Variants in ATAD1 observed in about 807,000 individuals in gnomAD.
ATAD1 encodes the protein ATPase family AAA domain containing 1.
ATAD1 carries 18 observed loss-of-function variants against 42.7 expected under a neutral mutation model. That is an observed-to-expected ratio of 0.42 (90% CI 0.29 to 0.63). The LOEUF (loss-of-function observed/expected upper bound fraction) is 0.63, where lower values mean the gene tolerates loss of function less well. ATAD1 is among the 20% of genes least tolerant of loss of function. The pLI, the probability that ATAD1 is intolerant of heterozygous loss-of-function variation, is 0.19. For synonymous variants in ATAD1, 132 were observed against 143.1 expected, an observed-to-expected ratio of 0.92 and a Z score of 0.55; for missense variants, 294 against 440.4, an observed-to-expected ratio of 0.67 and a Z score of 2.98.
intron 2 of ATAD1, among the ~76,000 whole-genome samples, chr10:87,795,958 A>C (rs1856367223): frequency 6.6e-6 from 1 of 152,256 alleles, no homozygotes; most frequent in Non-Finnish European, 1.5e-5. Flanking sequence ...CCAAGGTCAT[A>C]GCTGAAGTGT....
At chr10:87,777,854 A>C (rs1199998426) in intron 5 of ATAD1, among the ~76,000 whole-genome samples, 1 of 152,200 alleles carries the variant, frequency 6.6e-6, no homozygotes, top group Non-Finnish European at 1.5e-5. Context: ...GACACATGAG[A>C]GTCCTGCAAT....
intron 1 of ATAD1, among the ~76,000 whole-genome samples, chr10:87,824,952 C>T (rs1026988315): frequency 3.9e-5 from 6 of 152,168 alleles, no homozygotes; most frequent in African/African-American, 4.8e-5. Flanking sequence ...ACGTATTTAT[C>T]GATCCATGAA....
At chr10:87,782,668 G>C in intron 5 of ATAD1, among the ~76,000 whole-genome samples, 1 of 152,044 alleles carries the variant, frequency 6.6e-6, no homozygotes, top group South Asian at 2.1e-4. Context: ...AGGGAATAAA[G>C]CAAAAAAGTC....
chr10:87,756,689 TC>T lies in ATAD1; in HGVS notation c.965+99del. On this transcript the variant is annotated intron_variant, in intron 9 of 9. Transcript: ENST00000680024. The stretch of plus-strand genomic sequence containing the variant: ...TGATAATCCAAATTTACCTTTTATT[TC>T]ATAAGCGGTGTTTCTAATATAAAGC... 3 of 1,151,754 alleles carry T rather than the reference TC, an allele frequency of 2.6e-6. 1 individual carries two copies. Among genetic ancestry groups the T allele is most frequent in the Non-Finnish European group, 3.5e-6 (3 of 859,692 alleles). 71.3% of individuals were successfully genotyped at this position (1,151,754 alleles called of 1,614,324 possible).
intron 1 of ATAD1, 87 bp from the exon 2 acceptor site, chr10:87,814,699 A>C: frequency 9.8e-7 from 1 of 1,020,724 alleles, no homozygotes; most frequent in Non-Finnish European, 1.3e-6. Flanking sequence ...ACTAAGAAAG[A>C]AAAACTAACT....
Position 87,767,733 on chromosome 10 carries a change from G to C in ATAD1, c.781-10C>G. On this transcript the variant is annotated splice_polypyrimidine_tract_variant and intron_variant, in intron 7 of 9. Transcript: ENST00000680024. ...CTCTCTGTTTTAAAGCCTAAAAGCA[G>C]GATAATTTCCAGTTAGCATTTTTAT... The C allele has an allele frequency of 2.5e-6, 4 of 1,596,554 alleles. No homozygotes were observed. Among genetic ancestry groups the C allele is most frequent in the Non-Finnish European group, 3.4e-6 (4 of 1,174,310 alleles).
In ATAD1 at chr10:87,752,936, T is replaced by TA. The variant is rs1356197282; in HGVS notation, c.*1750dup. On this transcript the variant is annotated 3_prime_UTR_variant, in exon 10 of 10. Coordinates refer to ENST00000680024, the MANE Select transcript of ATAD1 (RefSeq NM_001321967.2). ...ATTTTCGATTAATATGTCACCAGATTAAAATTAAATTACTGAAATTCATAT... is the reference window on the plus strand; with the variant it reads ...ATTTTCGATTAATATGTCACCAGATTAAAAATTAAATTACTGAAATTCATAT... 2 of 152,152 alleles carry TA rather than the reference T, an allele frequency of 1.3e-5. No homozygotes were observed. Among genetic ancestry groups the TA allele is most frequent in the Non-Finnish European group, 2.9e-5 (2 of 67,998 alleles). 9.4% of individuals were successfully genotyped at this position (152,152 alleles called of 1,614,324 possible). A position where few individuals can be genotyped will look rare whatever the true frequency, so the allele number is the denominator to read the frequency against.
At chr10:87,821,925 G>A (rs559333735), upstream of ATAD1, among the ~76,000 whole-genome samples, 1 of 152,260 alleles carries the variant, frequency 6.6e-6, no homozygotes, top group African/African-American at 2.4e-5. Flanking sequence ...GACTGTAGAT[G>A]TATTTTTGCA....
chr10:87,829,192 C>A (rs148915880), intron 1 of ATAD1, among the ~76,000 whole-genome samples: 2,168 of 151,916 alleles, frequency 0.014, 64 homozygotes, highest in African/African-American at 0.048. Flanking sequence ...AATCTGGGGA[C>A]AGTAAATTGA....
At position 87,767,530 on chromosome 10, in the gene ATAD1, A is replaced by G. The variant is rs1043124440; in HGVS notation, c.831+143T>C. 4 of 768,064 alleles carry G rather than the reference A, an allele frequency of 5.2e-6. No individual in the cohort carries two copies. The African/African-American group carries it at 7.1e-5, about 14-fold the overall frequency. The allele number at this position is 768,064 out of a possible 1,614,324, so 47.6% of individuals were successfully genotyped here. On this transcript the variant is annotated intron_variant, in intron 8 of 9. Coordinates refer to ENST00000680024, the MANE Select transcript of ATAD1 (RefSeq NM_001321967.2). Reference sequence around the variant, plus strand: ...TGTGCGGCCCAGTTCCTAACAGGCCATAGACCAGTACCAGTCTGTGGCTGC... The same window carrying G: ...TGTGCGGCCCAGTTCCTAACAGGCCGTAGACCAGTACCAGTCTGTGGCTGC...
intron 8 of ATAD1, 96 bp from the exon 9 acceptor site, chr10:87,757,018 T>C (rs1854253366): frequency 9.8e-7 from 1 of 1,018,532 alleles, no homozygotes; most frequent in Non-Finnish European, 1.4e-6. Flanking sequence ...AAGCATATTA[T>C]AACTGCATGG....
chr10:87,768,822 G>T (rs1376984001), intron 7 of ATAD1, among the ~76,000 whole-genome samples: 2 of 152,186 alleles, frequency 1.3e-5, no homozygotes, highest in Non-Finnish European at 2.9e-5. Context: ...AGTGGCTCAT[G>T]CCAGTAATCC....
chr10:87,787,977 G>C (rs1261550175), intron 4 of ATAD1, among the ~76,000 whole-genome samples: 1 of 152,018 alleles, frequency 6.6e-6, no homozygotes, highest in South Asian at 2.1e-4. Flanking sequence ...GTTTACAGAG[G>C]AAGCCATATG....
At chr10:87,769,064 C>CT (rs1854905120) in intron 7 of ATAD1, among the ~76,000 whole-genome samples, 1 of 152,128 alleles carries the variant, frequency 6.6e-6, no homozygotes, top group African/African-American at 2.4e-5. Flanking sequence ...GAGCAAGACT[C>CT]TGTCTTTAAA....
chr10:87,833,359 G>C (rs1307662335), intron 1 of ATAD1, among the ~76,000 whole-genome samples: 3 of 152,108 alleles, frequency 2.0e-5, no homozygotes, highest in African/African-American at 7.2e-5. Context: ...TCAGTTCTAG[G>C]AGGTTTTTTT....
chr10:87,799,993 C>T (rs935363609), intron 2 of ATAD1, among the ~76,000 whole-genome samples: 16 of 150,380 alleles, frequency 1.1e-4, no homozygotes, highest in African/African-American at 3.9e-4. Context: ...TTTAGTCCTA[C>T]AATAAAATGA....
intron 1 of ATAD1, among the ~76,000 whole-genome samples, chr10:87,817,392 A>G (rs1057318740): frequency 2.6e-5 from 4 of 152,250 alleles, no homozygotes; most frequent in Non-Finnish European, 4.4e-5. Flanking sequence ...GCAACTAAGA[A>G]ACATCCTAAA....
chr10:87,784,885 T>C (rs1855752501), intron 4 of ATAD1, among the ~76,000 whole-genome samples: 1 of 152,216 alleles, frequency 6.6e-6, no homozygotes, highest in Non-Finnish European at 1.5e-5. Context: ...GATTACAGCA[T>C]CCTGTGCCCT....
chr10:87,823,557 A>G (rs1349700443), intron 1 of ATAD1, among the ~76,000 whole-genome samples: 2 of 152,200 alleles, frequency 1.3e-5, no homozygotes, highest in East Asian at 3.8e-4. Context: ...GGTTTCTTAA[A>G]TGGGGAGGAG....
Sources: allele counts gnomAD v4.1 joint callset (sites outside exome capture counted in the v4.1 genomes callset), GRCh38; gene constraint gnomAD v4.1.1; transcripts MANE v1.5; gene names NCBI Gene and HGNC (gene_info 2026-07-23, HGNC 2026-07-21).